Variants in ZMAT3 observed in about 807,000 individuals in gnomAD.
ZMAT3 encodes zinc finger matrin-type 3, also known as zinc finger matrin-type protein 3.
A neutral mutation model predicts 32.3 loss-of-function variants in ZMAT3; 17 were observed. That is an observed-to-expected ratio of 0.53 (90% CI 0.36 to 0.79). ZMAT3 has a LOEUF of 0.79. Among genes scored for constraint, ZMAT3 ranks in the 30% least tolerant of loss-of-function variants. ZMAT3 has a pLI of 0.00. For missense variants in ZMAT3, 329 were observed against 359.7 expected (o/e 0.91, Z 0.69); for synonymous variants, 120 against 133.1 (o/e 0.90, Z 0.68).
chr3:179,057,952 G>A (rs1352686705), intron 2 of ZMAT3, among the ~76,000 whole-genome samples: 1 of 152,184 alleles, frequency 6.6e-6, no homozygotes, highest in African/African-American at 2.4e-5. Context: ...CCAAGTCCCA[G>A]TGTTAAGCTT....
rs762955543 is a variant in ZMAT3, at chr3:179,046,770, C to T, written c.271-15771G>A. On this transcript the variant is annotated intron_variant, in intron 2 of 5. Coordinates refer to ENST00000311417, the MANE Select transcript of ZMAT3 (RefSeq NM_022470.4). This position sits in a 1 kb window ranked among gnomAD's most constrained non-coding sequence, Gnocchi z 4.3. ...TTCCCTGGTGACCTGTGTGACACAG[C>T]AGAGGCAGCCATAATCCCCCTGGGA... Among the ~76,000 whole-genome samples, 5 of 152,164 alleles carry T rather than the reference C, an allele frequency of 3.3e-5. No individual in the cohort carries two copies. The highest frequency in any genetic ancestry group is 6.5e-5 in the Admixed American group (1 of 15,284).
chr3:179,031,103 TGAGA>T (rs1175210055), intron 2 of ZMAT3, 104 bp from the exon 3 acceptor site: 3 of 967,192 alleles, frequency 3.1e-6, no homozygotes, highest in Non-Finnish European at 2.9e-6. Flanking sequence ...TAAGATATTT[TGAGA>T]GAGAGACCAC....
At chr3:179,068,656 A>G (rs1468343830) in intron 1 of ZMAT3, among the ~76,000 whole-genome samples, 2 of 152,244 alleles carry the variant, frequency 1.3e-5, no homozygotes, top group Non-Finnish European at 2.9e-5. Context: ...GAACTCTAGG[A>G]GTAGCCTAAA....
intron 2 of ZMAT3, among the ~76,000 whole-genome samples, chr3:179,044,870 G>T (rs1241947177): frequency 6.6e-6 from 1 of 151,860 alleles, no homozygotes; most frequent in African/African-American, 2.4e-5. Flanking sequence ...TCACACACTA[G>T]GGCCTGTCAG....
chr3:179,053,129 A>G (rs1345787516), intron 2 of ZMAT3, among the ~76,000 whole-genome samples: 1 of 152,036 alleles, frequency 6.6e-6, no homozygotes. Context: ...CTCTGTCTCA[A>G]AAAAATAAAA....
chr3:179,046,357 G>C lies in ZMAT3; in HGVS notation c.271-15358C>G, dbSNP rs2108563551. Among the ~76,000 whole-genome samples, 1 of 152,330 alleles carries C rather than the reference G, an allele frequency of 6.6e-6. No homozygotes were observed. The highest frequency in any genetic ancestry group is 2.1e-4 in the South Asian group (1 of 4,830). Reference sequence around the variant, plus strand: ...TACTAATGGCAACTAAGAAAAGTATGCAAATTTGCAGGGAAAATAGCAGAC... The same window carrying C: ...TACTAATGGCAACTAAGAAAAGTATCCAAATTTGCAGGGAAAATAGCAGAC... On this transcript the variant is annotated intron_variant, in intron 2 of 5. Coordinates refer to ENST00000311417, the MANE Select transcript of ZMAT3 (RefSeq NM_022470.4). The surrounding 1 kb of genome is among the most constrained non-coding windows in gnomAD (Gnocchi z 4.3).
intron 2 of ZMAT3, among the ~76,000 whole-genome samples, chr3:179,055,418 A>G (rs186910623): frequency 1.9e-4 from 29 of 152,200 alleles, no homozygotes; most frequent in African/African-American, 7.0e-4. Flanking sequence ...CAATTATGTA[A>G]AAAGTGTGGT....
intron 2 of ZMAT3, among the ~76,000 whole-genome samples, chr3:179,044,614 C>T (rs911650268): frequency 2.6e-5 from 4 of 151,932 alleles, no homozygotes; most frequent in African/African-American, 9.7e-5. Context: ...ACCACACTCC[C>T]GCCTGGACGA....
At chr3:179,069,393 C>T (rs1298417564) in intron 1 of ZMAT3, among the ~76,000 whole-genome samples, 2 of 152,118 alleles carry the variant, frequency 1.3e-5, no homozygotes, top group East Asian at 3.9e-4. Flanking sequence ...CCACAGTACA[C>T]CCTTTGAGTT....
intron 2 of ZMAT3, among the ~76,000 whole-genome samples, chr3:179,047,661 T>A (rs983723946): frequency 2.6e-5 from 4 of 151,230 alleles, no homozygotes; most frequent in Non-Finnish European, 4.4e-5. Flanking sequence ...AAGACCAGCC[T>A]GACCAACATG....
chr3:179,068,548 A>T (rs1019551770), intron 1 of ZMAT3, among the ~76,000 whole-genome samples: 1 of 152,194 alleles, frequency 6.6e-6, no homozygotes, highest in Admixed American at 6.5e-5. Flanking sequence ...AATCTTAGCA[A>T]ACATATCTTC....
At chr3:179,053,420 G>GCTT (rs1157429969) in intron 2 of ZMAT3, among the ~76,000 whole-genome samples, 13 of 152,000 alleles carry the variant, frequency 8.6e-5, no homozygotes, top group Non-Finnish European at 1.0e-4. Context: ...TAGAAGAAAT[G>GCTT]ATTAAAACAG....
chr3:179,041,897 G>A (rs1373599531), intron 2 of ZMAT3, among the ~76,000 whole-genome samples: 1 of 152,056 alleles, frequency 6.6e-6, no homozygotes. Flanking sequence ...AAATGATAAA[G>A]GGGATGTCAC....
chr3:179,056,643 C>G (rs919972681), intron 2 of ZMAT3, among the ~76,000 whole-genome samples: 1 of 152,178 alleles, frequency 6.6e-6, no homozygotes, highest in Non-Finnish European at 1.5e-5. Context: ...ATCACCCTCA[C>G]AGAGCCCCGG....
chr3:179,030,831 A>T, intron 3 of ZMAT3, 49 bp downstream of exon 3: 1 of 1,582,430 alleles, frequency 6.3e-7, no homozygotes, highest in Non-Finnish European at 8.6e-7. Context: ...ATTTGTGCAT[A>T]TTACAGCTTC....
chr3:179,032,129 A>G (rs1719275856), intron 2 of ZMAT3, among the ~76,000 whole-genome samples: 1 of 148,708 alleles, frequency 6.7e-6, no homozygotes, highest in Non-Finnish European at 1.5e-5. Flanking sequence ...CAGCCTGCCG[A>G]GTGCCTGCGA....
chr3:179,045,349 T>C (rs1193339732), intron 2 of ZMAT3, among the ~76,000 whole-genome samples: 1 of 152,174 alleles, frequency 6.6e-6, no homozygotes, highest in Admixed American at 6.5e-5. Context: ...CCTAGAAGTA[T>C]TGTTTGTAAC....
In ZMAT3 at chr3:179,025,151, A is replaced by C; in HGVS notation, c.736T>G (p.Phe246Val). Residue 246 changes from phenylalanine (F) to valine (V), a missense_variant, in exon 6 of 6, where the codon TTT (phenylalanine) becomes GTT (valine). Coordinates refer to ENST00000311417, the MANE Select transcript of ZMAT3 (RefSeq NM_022470.4). The part of the protein sequence containing the change: ...LAMCVTPSGQ[F>V]YCSMCNVGAG... ...CCAACATTACACATTGAGCAGTAAA[A>C]CTGGCCACTTGGAGTAACACACATG... 1 of 1,614,190 alleles carries C rather than the reference A, an allele frequency of 6.2e-7. No individual in the cohort carries two copies. The highest frequency in any genetic ancestry group is 8.5e-7 in the Non-Finnish European group (1 of 1,180,032).
intron 3 of ZMAT3, among the ~76,000 whole-genome samples, chr3:179,028,049 G>A (rs994194822): frequency 2.6e-5 from 4 of 152,142 alleles, no homozygotes; most frequent in South Asian, 4.2e-4. Flanking sequence ...AGTTGCTGTC[G>A]CCACTGAAGA....
Sources: allele counts gnomAD v4.1 joint callset (sites outside exome capture counted in the v4.1 genomes callset), GRCh38; gene constraint gnomAD v4.1.1; non-coding constraint Gnocchi (gnomAD v3.1); transcripts MANE v1.5; gene names NCBI Gene and HGNC (gene_info 2026-07-23, HGNC 2026-07-21).